Variants in EGFR observed in about 807,000 individuals in gnomAD.
EGFR encodes the protein epidermal growth factor receptor, also known as avian erythroblastic leukemia viral (v-erb-b) oncogene homolog.
A neutral mutation model predicts 143.0 loss-of-function variants in EGFR; 58 were observed. That is an observed-to-expected ratio of 0.41 (90% CI 0.33 to 0.50). EGFR has a LOEUF of 0.50. Ranked by LOEUF, EGFR falls within the 20% of genes least tolerant of loss-of-function variation. The pLI, the probability that EGFR is intolerant of heterozygous loss-of-function variation, is 0.39. For synonymous variants in EGFR, 613 were observed against 594.4 expected, an observed-to-expected ratio of 1.03 and a Z score of -0.45; for missense variants, 1,307 against 1,579.0, an observed-to-expected ratio of 0.83 and a Z score of 2.92.
At chr7:55,125,476 T>A (rs116643762) in intron 1 of EGFR, among the ~76,000 whole-genome samples, 19 of 152,348 alleles carry the variant, frequency 1.2e-4, no homozygotes, top group African/African-American at 4.6e-4. Context: ...CCAACAGCAC[T>A]GGGTGCTCCA....
chr7:55,117,607 T>A (rs1281861019), intron 1 of EGFR, among the ~76,000 whole-genome samples: 1 of 152,160 alleles, frequency 6.6e-6, no homozygotes, highest in Non-Finnish European at 1.5e-5. Context: ...ATCTCTGTTA[T>A]AAAAAATAAT....
chr7:55,063,968 A>T (rs1328746227), intron 1 of EGFR, among the ~76,000 whole-genome samples: 1 of 152,168 alleles, frequency 6.6e-6, no homozygotes, highest in African/African-American at 2.4e-5. Flanking sequence ...AGGTGGTAAA[A>T]ATCTAATTAA....
Position 55,133,734 on chromosome 7 carries a change from C to T in EGFR, c.89-8552C>T, listed in dbSNP as rs182854235. 8.6e-3 allele frequency among the ~76,000 whole-genome samples: 1,305 copies of T among 152,294 alleles called. 12 individuals carry two copies. Among genetic ancestry groups the T allele is most frequent in the Non-Finnish European group, 0.014 (954 of 68,006 alleles). On this transcript the variant is annotated intron_variant, in intron 1 of 27. Coordinates refer to ENST00000275493, the MANE Select transcript of EGFR (RefSeq NM_005228.5). The stretch of plus-strand genomic sequence containing the variant: ...AGGCCAGCTCTGCTGGGGCTCCTGC[C>T]GCCCTGGCTCTGCACTGCCCTTCTC...
chr7:55,021,792 C>A (rs1195761665), intron 1 of EGFR, among the ~76,000 whole-genome samples: 1 of 152,144 alleles, frequency 6.6e-6, no homozygotes, highest in East Asian at 1.9e-4. Flanking sequence ...GAGTCCTAAT[C>A]CCCACATTAA....
rs576386955 is a variant in EGFR at position 55,044,931 on chromosome 7, TTGTTGTTTAC to T, written c.88+25567_88+25576del. Reference sequence around the variant, plus strand: ...AGAAAGAAGGCTGTGTTCATGGCCTTTGTTGTTTACGTGGCCCTGTGATTCTCTTGGCTCC... The same window carrying T: ...AGAAAGAAGGCTGTGTTCATGGCCTTGTGGCCCTGTGATTCTCTTGGCTCC... On this transcript the variant is annotated intron_variant, in intron 1 of 27. Transcript: ENST00000275493. Among the ~76,000 whole-genome samples the T allele has an allele frequency of 2.7e-3, 410 of 152,308 alleles. 2 individuals carry two copies. The highest frequency in any genetic ancestry group is 2.7e-3 in the Non-Finnish European group (184 of 68,018).
intron 24 of EGFR, chr7:55,200,625 C>CT (rs1787806179): frequency 1.6e-6 from 1 of 629,512 alleles, no homozygotes; most frequent in Non-Finnish European, 2.9e-6. Flanking sequence ...CCATCTCCCC[C>CT]TCCCCGTCTG....
intron 1 of EGFR, among the ~76,000 whole-genome samples, chr7:55,129,137 G>A (rs1445426243): frequency 1.3e-5 from 2 of 152,234 alleles, no homozygotes; most frequent in African/African-American, 2.4e-5. Context: ...AATGCTTTCA[G>A]CACTCAAGTG....
In EGFR at chr7:55,161,641, TA is replaced by T; in HGVS notation, c.1631+11del. On this transcript the variant is annotated intron_variant, in intron 13 of 27. Coordinates refer to ENST00000275493, the MANE Select transcript of EGFR (RefSeq NM_005228.5). ...GCAACCTTCTGGAGGGGTAGGAGGT[TA>T]TTTCTTTAATCCCCTTGCGTTGATC... is the stretch of plus-strand genomic sequence containing the variant. 6 of 1,614,266 alleles carry T rather than the reference TA, an allele frequency of 3.7e-6. No individual in the cohort carries two copies. The highest frequency in any genetic ancestry group is 5.1e-6 in the Non-Finnish European group (6 of 1,180,044).
chr7:55,098,451 G>A (rs528291110), intron 1 of EGFR, among the ~76,000 whole-genome samples: 1 of 152,068 alleles, frequency 6.6e-6, no homozygotes, highest in East Asian at 1.9e-4. Context: ...ATGTATTTTT[G>A]GATAAATATT....
intron 20 of EGFR, 50 bp downstream of exon 20, chr7:55,181,528 T>C (rs2128959005): frequency 6.2e-7 from 1 of 1,611,430 alleles, no homozygotes; most frequent in Non-Finnish European, 8.5e-7. Flanking sequence ...GCCAGGATCC[T>C]CACATGCGGT....
intron 1 of EGFR, among the ~76,000 whole-genome samples, chr7:55,055,214 A>G (rs1414906088): frequency 9.9e-5 from 15 of 152,174 alleles, no homozygotes; most frequent in Non-Finnish European, 2.2e-4. Context: ...AAGAATCTCT[A>G]AATCAGTGGT....
At chr7:55,067,762 CA>C (rs533609279) in intron 1 of EGFR, among the ~76,000 whole-genome samples, 18 of 151,480 alleles carry the variant, frequency 1.2e-4, no homozygotes, top group Admixed American at 1.1e-3. Context: ...TTACCACAAT[CA>C]AAGAAATTAA....
chr7:55,054,579 C>G (rs776595325), intron 1 of EGFR, among the ~76,000 whole-genome samples: 1 of 152,236 alleles, frequency 6.6e-6, no homozygotes, highest in Non-Finnish European at 1.5e-5. Context: ...CCAGACAGGT[C>G]AGCAAACATG....
At chr7:55,137,846 G>A (rs1178305931) in intron 1 of EGFR, among the ~76,000 whole-genome samples, 1 of 152,152 alleles carries the variant, frequency 6.6e-6, no homozygotes, top group East Asian at 1.9e-4. Flanking sequence ...GACTGGGAGG[G>A]GCATGAGGGA....
chr7:55,029,851 TA>T (rs1787149851), intron 1 of EGFR, among the ~76,000 whole-genome samples: 1 of 152,178 alleles, frequency 6.6e-6, no homozygotes, highest in Admixed American at 6.5e-5. Flanking sequence ...TCTGTAAAAT[TA>T]AAAACAAATC....
At chr7:55,042,818 A>G (rs1787974433) in intron 1 of EGFR, among the ~76,000 whole-genome samples, 1 of 152,202 alleles carries the variant, frequency 6.6e-6, no homozygotes, top group African/African-American at 2.4e-5. Flanking sequence ...AGTTTAACAA[A>G]TGATGCTTTC....
intron 1 of EGFR, among the ~76,000 whole-genome samples, chr7:55,046,943 G>A (rs1284452571): frequency 6.6e-6 from 1 of 152,040 alleles, no homozygotes; most frequent in Non-Finnish European, 1.5e-5. Flanking sequence ...TGTGTCCGGT[G>A]ATATTAAAAA....
intron 1 of EGFR, among the ~76,000 whole-genome samples, chr7:55,094,177 A>G (rs1359546250): frequency 1.3e-5 from 2 of 152,224 alleles, no homozygotes; most frequent in Admixed American, 6.5e-5. Context: ...TTGGAAATCA[A>G]TCTGTGGAAG....
At chr7:55,095,513 C>A (rs1244135061) in intron 1 of EGFR, among the ~76,000 whole-genome samples, 2 of 152,246 alleles carry the variant, frequency 1.3e-5, no homozygotes, top group Non-Finnish European at 2.9e-5. Flanking sequence ...CTGCCCAGGG[C>A]AGCTTGGGAG....
Sources: allele counts gnomAD v4.1 joint callset (sites outside exome capture counted in the v4.1 genomes callset), GRCh38; gene constraint gnomAD v4.1.1; transcripts MANE v1.5; gene names NCBI Gene and HGNC (gene_info 2026-07-23, HGNC 2026-07-21).